MORC2: variants seen among roughly 807,000 people sequenced by gnomAD.
MORC2 encodes the protein ATPase MORC2.
A neutral mutation model predicts 136.0 loss-of-function variants in MORC2; 30 were observed. That is an observed-to-expected ratio of 0.22 (90% CI 0.17 to 0.30). The LOEUF (loss-of-function observed/expected upper bound fraction) is 0.30, where lower values mean the gene tolerates loss of function less well. Among genes scored for constraint, MORC2 ranks in the 10% least tolerant of loss-of-function variants. The pLI, the probability that MORC2 is intolerant of heterozygous loss-of-function variation, is 1.00. For missense variants in MORC2, 922 were observed against 1,333.1 expected, an observed-to-expected ratio of 0.69 and a Z score of 4.80; for synonymous variants, 439 against 487.0, an observed-to-expected ratio of 0.90 and a Z score of 1.30.
chr22:30,937,512 G>C lies in MORC2; in HGVS notation c.1498+71C>G. The C allele has an allele frequency of 6.4e-7, 1 of 1,570,678 alleles. No individual in the cohort carries two copies. Among genetic ancestry groups the C allele is most frequent in the Non-Finnish European group, 8.6e-7 (1 of 1,159,754 alleles). ...GAATGTCAGTCAAGTTAGGAGGCTGGCAGGAAGATAGAGAAAAGAGGCTTG... is the reference window on the plus strand; with the variant it reads ...GAATGTCAGTCAAGTTAGGAGGCTGCCAGGAAGATAGAGAAAAGAGGCTTG... On this transcript the variant is annotated intron_variant, in intron 15 of 25. Transcript: ENST00000397641. The surrounding 1 kb of genome is among the most constrained non-coding windows in gnomAD (Gnocchi z 4.7).
In MORC2 at chr22:30,925,673, G is replaced by C. The variant is rs2040472561; in HGVS notation, c.*1130C>G. 6.5e-6 allele frequency: 1 copy of C among 153,758 alleles called. No homozygotes were observed. The highest frequency in any genetic ancestry group is 2.1e-4 in the South Asian group (1 of 4,834). 9.5% of individuals were successfully genotyped at this position (153,758 alleles called of 1,614,324 possible). A position where few individuals can be genotyped will look rare whatever the true frequency, so the allele number is the denominator to read the frequency against. On this transcript the variant is annotated 3_prime_UTR_variant, in exon 26 of 26. Transcript: ENST00000397641. Reference sequence around the variant, plus strand: ...CCCAAATACGAGTGGGAAGAGAGTTGGGAAAAACTGAACCAGACTCTTCCA... The same window carrying C: ...CCCAAATACGAGTGGGAAGAGAGTTCGGAAAAACTGAACCAGACTCTTCCA...
intron 10 of MORC2, 150 bp from the exon 11 acceptor site, chr22:30,940,191 AG>A: frequency 1.3e-6 from 1 of 756,462 alleles, no homozygotes; most frequent in African/African-American, 1.7e-5. Flanking sequence ...ATGTGAGGGC[AG>A]CCTCTGTGCC....
At chr22:30,926,998 G>T in intron 25 of MORC2, 127 bp from the exon 26 acceptor site, 1 of 684,178 alleles carries the variant, frequency 1.5e-6, no homozygotes. Flanking sequence ...CCCCGCCCTG[G>T]ATGTCAGGCT....
rs2040739809 is a variant in MORC2 at position 30,941,417 on chromosome 22, G to C, written c.824+16C>G. 1 of 1,612,858 alleles carries C rather than the reference G, an allele frequency of 6.2e-7. No homozygotes were observed. The highest frequency in any genetic ancestry group is 1.3e-5 in the African/African-American group (1 of 75,032). The stretch of plus-strand genomic sequence containing the variant: ...GACCCATGGGAGACAGCAGGCCAAG[G>C]GGCACTGGCCCCTACCTGGGCTTGT... On this transcript the variant is annotated intron_variant, in intron 9 of 25. Transcript: ENST00000397641. The surrounding 1 kb of genome is among the most constrained non-coding windows in gnomAD (Gnocchi z 4.6).
Position 30,938,013 on chromosome 22 carries a change from G to A in MORC2, c.1215-44C>T, listed in dbSNP as rs77431251. The A allele has an allele frequency of 1.4e-3, 2,255 of 1,613,664 alleles. 3 individuals are homozygous for A. Among genetic ancestry groups the A allele is most frequent in the Non-Finnish European group, 1.2e-3 (1,452 of 1,179,736 alleles). On this transcript the variant is annotated intron_variant, in intron 13 of 25. Coordinates refer to ENST00000397641, the MANE Select transcript of MORC2 (RefSeq NM_001303256.3). ...CAAGCTCTGTCACCCCACTGGCAACGCCCTCCTGCCAACTATCCTGGGCTA... is the reference window on the plus strand; with the variant it reads ...CAAGCTCTGTCACCCCACTGGCAACACCCTCCTGCCAACTATCCTGGGCTA...
At chr22:30,951,223 A>C (rs1476121125) in intron 3 of MORC2, among the ~76,000 whole-genome samples, 1 of 152,256 alleles carries the variant, frequency 6.6e-6, no homozygotes. Context: ...GAACACAACA[A>C]ACTACGGCTG....
At chr22:30,947,000 G>A (rs577876261) in intron 5 of MORC2, among the ~76,000 whole-genome samples, 21 of 152,192 alleles carry the variant, frequency 1.4e-4, no homozygotes, top group Non-Finnish European at 2.1e-4. Flanking sequence ...GAAAAGCCCA[G>A]TGCCTATACT....
intron 4 of MORC2, 24 bp downstream of exon 4, chr22:30,950,353 C>CCAAAAAAAAAAAAAA: frequency 5.4e-6 from 8 of 1,481,892 alleles, no homozygotes; most frequent in Non-Finnish European, 5.6e-6. Flanking sequence ...CCCCACCCCC[C>CCAAAAAAAAAAAAAA]AAAACAATAA....
chr22:30,957,166 T>C (rs1434257156), intron 2 of MORC2, among the ~76,000 whole-genome samples: 1 of 152,240 alleles, frequency 6.6e-6, no homozygotes, highest in Non-Finnish European at 1.5e-5. Flanking sequence ...CATAAAAAGA[T>C]GTTCCAATAA....
rs780488751 is a variant in MORC2 at position 30,932,507 on chromosome 22, T to C, written c.2747+38A>G. The C allele has an allele frequency of 1.2e-6, 2 of 1,613,100 alleles. No homozygotes were observed. The highest frequency in any genetic ancestry group is 1.1e-5 in the South Asian group (1 of 91,056). ...TGGCATGGAGCAGGCAGAGAGCTGC[T>C]GCTGGCCCTGGGGTGGGAAGACAAA... is the stretch of plus-strand genomic sequence containing the variant. On this transcript the variant is annotated intron_variant, in intron 23 of 25. Coordinates refer to ENST00000397641, the MANE Select transcript of MORC2 (RefSeq NM_001303256.3). The surrounding 1 kb of genome is among the most constrained non-coding windows in gnomAD (Gnocchi z 4.4).
chr22:30,940,409 C>G (rs2040725945), intron 10 of MORC2, among the ~76,000 whole-genome samples: 1 of 152,124 alleles, frequency 6.6e-6, no homozygotes, highest in Non-Finnish European at 1.5e-5. Context: ...CTGAGAAACC[C>G]TGAACAGCGA....
Position 30,936,597 on chromosome 22 carries a change from T to G in MORC2, c.1651A>C (p.Arg551=), listed in dbSNP as rs759820313. ...TCTTCCTGCGTCTTCATGTCCTTTC[T>G]GAATGTTCCCAGGGGAACCTTCTGC... is the stretch of plus-strand genomic sequence containing the variant. The part of the protein sequence containing the change: ...QKQKVPLGTF[R]KDMKTQEEKQ... The change falls in exon 17 of 26, where the codon AGA becomes CGA. Residue 551 remains arginine, a synonymous_variant. Coordinates refer to ENST00000397641, the MANE Select transcript of MORC2 (RefSeq NM_001303256.3). 3.1e-6 allele frequency: 5 copies of G among 1,614,222 alleles called. No homozygotes were observed. In the East Asian group the frequency reaches 1.1e-4, roughly 36 times the overall value.
chr22:30,953,388 T>C (rs1048471220), intron 3 of MORC2, among the ~76,000 whole-genome samples: 4 of 152,170 alleles, frequency 2.6e-5, no homozygotes, highest in Non-Finnish European at 5.9e-5. Flanking sequence ...AATCTGAAAG[T>C]CTGCACATCT....
At chr22:30,933,610 ATCT>A in intron 20 of MORC2, 90 bp from the exon 21 acceptor site, 2 of 1,281,644 alleles carry the variant, frequency 1.6e-6, no homozygotes, top group Non-Finnish European at 2.2e-6. Flanking sequence ...ATCAGCCATC[ATCT>A]TCACGACTTC....
chr22:30,937,875 G>A lies in MORC2; in HGVS notation c.1309C>T (p.Arg437Trp). 1 of 1,614,104 alleles carries A rather than the reference G, an allele frequency of 6.2e-7. No homozygotes were observed. Among genetic ancestry groups the A allele is most frequent in the Non-Finnish European group, 8.5e-7 (1 of 1,180,028 alleles). ...KQDFADAKEY[R>W]HLLRAMGEHL... The stretch of plus-strand genomic sequence containing the variant: ...TCCCCCATTGCTCGGAGCAGGTGCC[G>A]GTACTCCTTGGCATCAGCAAAGTCC... The change falls in exon 14 of 26, where the codon CGG (arginine) becomes TGG (tryptophan). Residue 437 changes from arginine to tryptophan, a missense_variant. This residue lies in a region of MORC2 where 119 missense variants were observed against 202.7 expected (regional missense o/e 0.59). Coordinates refer to ENST00000397641, the MANE Select transcript of MORC2 (RefSeq NM_001303256.3). The surrounding 1 kb of genome is among the most constrained non-coding windows in gnomAD (Gnocchi z 4.7).
At chr22:30,953,786 A>C (rs2040925935) in intron 3 of MORC2, among the ~76,000 whole-genome samples, 1 of 152,140 alleles carries the variant, frequency 6.6e-6, no homozygotes, top group African/African-American at 2.4e-5. Context: ...TAATCCAACT[A>C]ATAATAATAT....
chr22:30,966,873 G>A (rs1311941351), intron 1 of MORC2, among the ~76,000 whole-genome samples: 1 of 152,122 alleles, frequency 6.6e-6, no homozygotes, highest in Non-Finnish European at 1.5e-5. Context: ...TCCCTTTAAA[G>A]GAAAAATAGA....
At chr22:30,949,988 A>G in intron 4 of MORC2, 146 bp from the exon 5 acceptor site, 2 of 688,086 alleles carry the variant, frequency 2.9e-6, no homozygotes, top group East Asian at 2.7e-5. Flanking sequence ...ACCATGAAGC[A>G]CATGGAGGCA....
At chr22:30,961,948 C>G (rs551591986) in intron 1 of MORC2, among the ~76,000 whole-genome samples, 1 of 152,100 alleles carries the variant, frequency 6.6e-6, no homozygotes, top group African/African-American at 2.4e-5. Context: ...ATAAACCCAG[C>G]ACTTTGGGAG....
Sources: allele counts gnomAD v4.1 joint callset (sites outside exome capture counted in the v4.1 genomes callset), GRCh38; gene constraint gnomAD v4.1.1; regional missense constraint gnomAD v4.1.1; non-coding constraint Gnocchi (gnomAD v3.1); transcripts MANE v1.5; gene names NCBI Gene and HGNC (gene_info 2026-07-23, HGNC 2026-07-21).